Variants in FARS2 observed in about 807,000 individuals in gnomAD.
FARS2 encodes phenylalanine--tRNA ligase, mitochondrial.
Under a neutral mutation model 46.4 loss-of-function variants are expected in FARS2, and 40 were observed. That is an observed-to-expected ratio of 0.86 (90% CI 0.67 to 1.12). The LOEUF (loss-of-function observed/expected upper bound fraction) is 1.12, where lower values mean the gene tolerates loss of function less well. Ranked by LOEUF, FARS2 falls within the 50% of genes most tolerant of loss-of-function variation. FARS2 has a pLI of 0.00. For synonymous variants in FARS2, 234 were observed against 214.9 expected (o/e 1.09, Z -0.78); for missense variants, 513 against 567.9 (o/e 0.90, Z 0.98).
intron 6 of FARS2, among the ~76,000 whole-genome samples, chr6:5,676,066 C>A: frequency 6.6e-6 from 1 of 151,768 alleles, no homozygotes; most frequent in Non-Finnish European, 1.5e-5. Context: ...TTTGGTTAGG[C>A]TCATATAAAA....
chr6:5,393,286 A>G (rs1760690265), intron 2 of FARS2, among the ~76,000 whole-genome samples: 1 of 152,168 alleles, frequency 6.6e-6, no homozygotes. Flanking sequence ...CCATGTGTGT[A>G]AAGGAGTGGT....
intron 6 of FARS2, among the ~76,000 whole-genome samples, chr6:5,729,220 A>G (rs1331651641): frequency 1.3e-5 from 2 of 152,172 alleles, no homozygotes; most frequent in African/African-American, 4.8e-5. Context: ...GTTGGTCTTG[A>G]GTGTGTGTTG....
At chr6:5,254,463 G>T in the FARS2 span, among the ~76,000 whole-genome samples, 1 of 152,108 alleles carries the variant, frequency 6.6e-6, no homozygotes, top group East Asian at 1.9e-4. Flanking sequence ...GATTAATAAA[G>T]ATATATTTGA....
rs147954110 is a variant in FARS2 at position 5,330,921 on chromosome 6, C to A, written c.-21-37629C>A. Reference sequence around the variant, plus strand: ...AGGAGTTCTAGTGCAGCCTGGGCAACATGGTAAAACCCCATCTCCAAAAAA... The same window carrying A: ...AGGAGTTCTAGTGCAGCCTGGGCAAAATGGTAAAACCCCATCTCCAAAAAA... On this transcript the variant is annotated intron_variant, in intron 1 of 6. Transcript: ENST00000274680. Among the ~76,000 whole-genome samples the A allele has an allele frequency of 2.3e-3, 345 of 151,966 alleles. 1 individual carries two copies. Among genetic ancestry groups the A allele is most frequent in the African/African-American group, 8.0e-3 (331 of 41,438 alleles).
At chr6:5,653,189 A>T (rs1777451116) in intron 6 of FARS2, among the ~76,000 whole-genome samples, 1 of 152,194 alleles carries the variant, frequency 6.6e-6, no homozygotes, top group African/African-American at 2.4e-5. Flanking sequence ...AACGCTTTTC[A>T]TTTCTGGCAG....
At chr6:5,539,555 A>G (rs1770482563) in intron 4 of FARS2, among the ~76,000 whole-genome samples, 1 of 151,754 alleles carries the variant, frequency 6.6e-6, no homozygotes, top group Non-Finnish European at 1.5e-5. Flanking sequence ...TTTCTAATAA[A>G]CCAGCTCTAG....
chr6:5,615,062 T>A (rs6936430), intron 6 of FARS2, among the ~76,000 whole-genome samples: 29,583 of 152,140 alleles, frequency 0.19, 3,019 homozygotes, highest in African/African-American at 0.24. Flanking sequence ...TTCAAGTTTA[T>A]TATCTTTATC....
intron 2 of FARS2, chr6:5,371,182 A>G (rs1759040074): frequency 1.0e-6 from 1 of 984,942 alleles, no homozygotes; most frequent in Middle Eastern, 5.2e-4. Context: ...TGCTATGGAG[A>G]GTGGAGTCAG....
chr6:5,646,277 A>G (rs561172382), intron 6 of FARS2, among the ~76,000 whole-genome samples: 13 of 152,302 alleles, frequency 8.5e-5, no homozygotes, highest in African/African-American at 2.9e-4. Flanking sequence ...TCTAATATCC[A>G]GGCTATAATA....
At chr6:5,444,770 A>G (rs1764083482) in intron 4 of FARS2, among the ~76,000 whole-genome samples, 1 of 100,130 alleles carries the variant, frequency 1.0e-5, no homozygotes, top group Non-Finnish European at 2.2e-5. Flanking sequence ...GGCTCATGGA[A>G]ACAGTAAAAT....
intron 5 of FARS2, chr6:5,609,625 A>T (rs1409132505): frequency 1.7e-6 from 2 of 1,204,942 alleles, no homozygotes; most frequent in Non-Finnish European, 2.4e-6. Flanking sequence ...TGAAAGAAGC[A>T]CTCACCATCT....
chr6:5,281,518 A>G (rs533684719), intron 1 of FARS2, among the ~76,000 whole-genome samples: 2 of 152,280 alleles, frequency 1.3e-5, no homozygotes, highest in East Asian at 3.9e-4. Context: ...GTTCAGTGGC[A>G]TTAAGTACAT....
chr6:5,738,084 G>T (rs780838037), intron 6 of FARS2, among the ~76,000 whole-genome samples: 2 of 152,120 alleles, frequency 1.3e-5, no homozygotes, highest in African/African-American at 2.4e-5. Flanking sequence ...CTGAGTACTT[G>T]GGACTACAGA....
chr6:5,666,994 C>G (rs2150795692), intron 6 of FARS2, among the ~76,000 whole-genome samples: 1 of 152,238 alleles, frequency 6.6e-6, no homozygotes, highest in South Asian at 2.1e-4. Context: ...TGAATGTTCT[C>G]ACGTACAAGT....
intron 1 of FARS2, among the ~76,000 whole-genome samples, chr6:5,344,080 C>T (rs1581835804): frequency 1.3e-5 from 2 of 152,244 alleles, no homozygotes; most frequent in South Asian, 4.2e-4. Flanking sequence ...TTTTGGTTCA[C>T]CGAACGACAC....
At chr6:5,384,222 G>A (rs193217075) in intron 2 of FARS2, among the ~76,000 whole-genome samples, 1 of 152,300 alleles carries the variant, frequency 6.6e-6, no homozygotes, top group African/African-American at 2.4e-5. Flanking sequence ...CCAGAGCTTG[G>A]CAGTAATATT....
rs772049958 is a variant in FARS2 at position 5,727,481 on chromosome 6, G to A, written c.1218-43810G>A. ...ACTTTCTGTTTAAATAAAATGCCACGCTAGCGGGTTTCGGGTAACTGAAGA... is the reference window on the plus strand; with the variant it reads ...ACTTTCTGTTTAAATAAAATGCCACACTAGCGGGTTTCGGGTAACTGAAGA... On this transcript the variant is annotated intron_variant, in intron 6 of 6. Coordinates refer to ENST00000274680, the MANE Select transcript of FARS2 (RefSeq NM_006567.5). This position sits in a 1 kb window ranked among gnomAD's most constrained non-coding sequence, Gnocchi z 4.1. 5.9e-5 allele frequency among the ~76,000 whole-genome samples: 9 copies of A among 152,206 alleles called. No individual in the cohort carries two copies. Among genetic ancestry groups the A allele is most frequent in the African/African-American group, 9.7e-5 (4 of 41,450 alleles).
chr6:5,516,023 T>A (rs949929039), intron 4 of FARS2, among the ~76,000 whole-genome samples: 3 of 152,196 alleles, frequency 2.0e-5, no homozygotes, highest in Non-Finnish European at 4.4e-5. Context: ...CCTCAATCAC[T>A]TAGCACAACG....
chr6:5,750,782 G>T (rs1198105026), intron 6 of FARS2, among the ~76,000 whole-genome samples: 1 of 152,056 alleles, frequency 6.6e-6, no homozygotes, highest in African/African-American at 2.4e-5. Flanking sequence ...TCTTATTTCT[G>T]CCTGGAAAGA....
Sources: allele counts gnomAD v4.1 joint callset (sites outside exome capture counted in the v4.1 genomes callset), GRCh38; gene constraint gnomAD v4.1.1; non-coding constraint Gnocchi (gnomAD v3.1); transcripts MANE v1.5; gene names NCBI Gene and HGNC (gene_info 2026-07-23, HGNC 2026-07-21).